Variants in CYP4F2 observed in about 807,000 individuals in gnomAD.
The protein encoded by CYP4F2 is cytochrome P450 4F2.
CYP4F2 carries 58 observed loss-of-function variants against 58.9 expected under a neutral mutation model. The ratio of observed to expected loss-of-function variants is 0.98; its 90% CI spans 0.80 to 1.23. The LOEUF (loss-of-function observed/expected upper bound fraction) is 1.23, where lower values mean the gene tolerates loss of function less well. Ranked by LOEUF, CYP4F2 falls within the 50% of genes most tolerant of loss-of-function variation. CYP4F2 has a pLI of 0.00. For synonymous variants in CYP4F2, 287 were observed against 261.1 expected, an observed-to-expected ratio of 1.10 and a Z score of -0.95; for missense variants, 616 against 685.6, an observed-to-expected ratio of 0.90 and a Z score of 1.13.
intron 3 of CYP4F2, among the ~76,000 whole-genome samples, chr19:15,894,088 T>C (rs553290720): frequency 2.2e-4 from 34 of 152,178 alleles, no homozygotes; most frequent in Non-Finnish European, 2.5e-4. Context: ...TCTTTCCCCA[T>C]GTGGATCCAC....
rs1468324782 is a variant in CYP4F2, at chr19:15,879,405, G to C, written c.1338C>G (p.Asp446Glu). ...DPEVYDPFRFDPENIKERSPL... is the reference protein window; with the variant it reads ...DPEVYDPFRFEPENIKERSPL... ...GTGACCTCTCCTTGATGTTCTCTGG[G>C]TCAAAGCGAAAGGGGTCGTAGACCT... The change falls in exon 12 of 13, where the codon GAC (aspartate) becomes GAG (glutamate). Residue 446 changes from aspartate to glutamate, a missense_variant. Coordinates refer to ENST00000221700, the MANE Select transcript of CYP4F2 (RefSeq NM_001082.5). The C allele has an allele frequency of 1.2e-6, 2 of 1,614,016 alleles. No homozygotes were observed. Among genetic ancestry groups the C allele is most frequent in the Non-Finnish European group, 1.7e-6 (2 of 1,180,036 alleles).
chr19:15,896,969 G>C (rs879432829), intron 2 of CYP4F2, among the ~76,000 whole-genome samples: 5 of 152,204 alleles, frequency 3.3e-5, no homozygotes, highest in Non-Finnish European at 7.3e-5. Flanking sequence ...GGTGCCTTCG[G>C]GTGTAGTGGA....
rs2089459320 is a variant in CYP4F2 at position 15,898,007 on chromosome 19, G to A, written c.-2+19C>T. 2 of 232,252 alleles carry A rather than the reference G, an allele frequency of 8.6e-6. No homozygotes were observed. The highest frequency in any genetic ancestry group is 8.4e-6 in the Non-Finnish European group (1 of 119,256). 14.4% of individuals were successfully genotyped at this position (232,252 alleles called of 1,614,324 possible). On this transcript the variant is annotated intron_variant, in intron 1 of 12. Coordinates refer to ENST00000221700, the MANE Select transcript of CYP4F2 (RefSeq NM_001082.5). The stretch of plus-strand genomic sequence containing the variant: ...CCAGGCCAGGACCCCCCCCAGGCCT[G>A]CCACCCCCAGCCTGGCACCTTCTGT...
intron 7 of CYP4F2, chr19:15,886,630 G>C (rs1169655804): frequency 5.6e-6 from 2 of 355,902 alleles, no homozygotes; most frequent in Admixed American, 4.3e-5. Context: ...ATTTCCCTTG[G>C]AAATTAGAGA....
At chr19:15,896,764 C>A (rs965936058) in intron 2 of CYP4F2, among the ~76,000 whole-genome samples, 1 of 152,202 alleles carries the variant, frequency 6.6e-6, no homozygotes, top group Non-Finnish European at 1.5e-5. Flanking sequence ...ATCCATCAAT[C>A]CTGCCATTTG....
chr19:15,882,258 A>AAAAG (rs1555774187), intron 9 of CYP4F2, among the ~76,000 whole-genome samples: 7 of 151,812 alleles, frequency 4.6e-5, no homozygotes, highest in Non-Finnish European at 1.0e-4. Context: ...AATGAAAAAA[A>AAAAG]AAAGAAAGAA....
intron 7 of CYP4F2, among the ~76,000 whole-genome samples, chr19:15,886,826 T>C (rs770193308): frequency 1.1e-4 from 16 of 152,324 alleles, no homozygotes; most frequent in Non-Finnish European, 1.9e-4. Flanking sequence ...TCTCTCTCTC[T>C]CTCTTTCTCT....
intron 5 of CYP4F2, among the ~76,000 whole-genome samples, chr19:15,890,790 C>T (rs1259600481): frequency 6.6e-6 from 1 of 152,188 alleles, no homozygotes. Context: ...CTCCACCTCG[C>T]CATGCTCACT....
At chr19:15,885,838 CAA>C in intron 9 of CYP4F2, 84 bp downstream of exon 9, 1 of 1,535,354 alleles carries the variant, frequency 6.5e-7, no homozygotes, top group South Asian at 1.2e-5. Flanking sequence ...GCAGAATCAA[CAA>C]AAACAGCTTT....
chr19:15,896,306 C>T (rs1209537486), intron 2 of CYP4F2, among the ~76,000 whole-genome samples: 1 of 152,100 alleles, frequency 6.6e-6, no homozygotes, highest in African/African-American at 2.4e-5. Flanking sequence ...ATCTATCTAT[C>T]CACATTCCTC....
intron 9 of CYP4F2, 92 bp from the exon 10 acceptor site, chr19:15,879,989 C>G: frequency 6.4e-7 from 1 of 1,569,438 alleles, no homozygotes; most frequent in African/African-American, 1.4e-5. Flanking sequence ...CTTTTCTCCC[C>G]GCAATAAAAT....
chr19:15,891,147 G>A (rs1448648538), intron 5 of CYP4F2, among the ~76,000 whole-genome samples: 1 of 152,116 alleles, frequency 6.6e-6, no homozygotes, highest in African/African-American at 2.4e-5. Context: ...TTGTGTTTGC[G>A]AAGAAAAACT....
rs765329980 is a variant in CYP4F2, at chr19:15,879,360, G to A, written c.1383C>T (p.Phe461=). 9.9e-6 allele frequency: 16 copies of A among 1,614,028 alleles called. No homozygotes were observed. Among genetic ancestry groups the A allele is most frequent in the African/African-American group, 5.3e-5 (4 of 74,932 alleles). The part of the protein sequence containing the change: ...KERSPLAFIP[F]SAGPRNCIGQ... ...GCCGCCCTTACCTGGGCCCTGCCGA[G>A]AAGGGAATAAAAGCCAGAGGTGACC... The change falls in exon 12 of 13, where the codon TTC becomes TTT. Residue 461 remains phenylalanine, a synonymous_variant. Transcript: ENST00000221700.
At chr19:15,887,585 CATAGACACAGAT>C (rs1173665582) in intron 7 of CYP4F2, among the ~76,000 whole-genome samples, 2 of 151,484 alleles carry the variant, frequency 1.3e-5, no homozygotes, top group African/African-American at 4.9e-5. Context: ...TAAACCTAGA[CATAGACACAGAT>C]ATAGACACAG....
Position 15,886,283 on chromosome 19 carries a change from T to G in CYP4F2, c.944A>C (p.Asp315Ala). The G allele has an allele frequency of 6.2e-7, 1 of 1,614,024 alleles. No homozygotes were observed. Among genetic ancestry groups the G allele is most frequent in the South Asian group, 1.1e-5 (1 of 91,062 alleles). The change falls in exon 8 of 13, where the codon GAT becomes GCT. Residue 315 changes from aspartate to alanine, a missense_variant. Physicochemically the swap from Asp to Ala is moderately radical, Grantham distance 126. Coordinates refer to ENST00000221700, the MANE Select transcript of CYP4F2 (RefSeq NM_001082.5). ...GTCAGCTTCTGCTCTTATGTCCTCA[T>G]CAGATAACTTCTTCCCGTCTTCATC... ...SKDEDGKKLS[D>A]EDIRAEADTF...
intron 3 of CYP4F2, among the ~76,000 whole-genome samples, chr19:15,895,209 T>C (rs2089440478): frequency 6.6e-6 from 1 of 152,060 alleles, no homozygotes; most frequent in Admixed American, 6.5e-5. Context: ...TCCCATGAAG[T>C]TGGGGATATC....
rs1160682886 is a variant in CYP4F2, at chr19:15,897,415, A to G, written c.197T>C (p.Met66Thr). The stretch of plus-strand genomic sequence containing the variant: ...GACCCATCCTGCTGCCACACTCACC[A>G]TGCCCTGGTGTCCCCAAAACCAGTT... The part of the protein sequence containing the change: ...RRNWFWGHQG[M>T]VNPTEEGMRV... Residue 66 changes from methionine to threonine, a missense_variant and splice_region_variant, in exon 2 of 13, where the codon ATG (methionine) becomes ACG (threonine). Met to Thr is a moderately conservative substitution (Grantham distance 81). Transcript: ENST00000221700. The G allele has an allele frequency of 2.5e-6, 4 of 1,589,286 alleles. No individual in the cohort carries two copies. The highest frequency in any genetic ancestry group is 1.4e-5 in the African/African-American group (1 of 73,240).
At chr19:15,879,927 T>C in intron 9 of CYP4F2, 30 bp from the exon 10 acceptor site, 1 of 1,611,368 alleles carries the variant, frequency 6.2e-7, no homozygotes, top group Non-Finnish European at 8.5e-7. Context: ...CCAATCCTTA[T>C]CAAGGGAGCA....
Position 15,890,320 on chromosome 19 carries a change from A to G in CYP4F2, c.639T>C (p.His213=). 6.2e-7 allele frequency: 1 copy of G among 1,613,994 alleles called. No individual in the cohort carries two copies. The highest frequency in any genetic ancestry group is 8.5e-7 in the Non-Finnish European group (1 of 1,179,940). ...CCTGGGCAAGAACTTACTCCTGACA[A>G]TGGCTGTCAAAGCTGAAGACACATT... is the stretch of plus-strand genomic sequence containing the variant. ...LQKCVFSFDS[H]CQEKPSEYIA... Residue 213 remains histidine, a synonymous_variant, in exon 6 of 13, where the codon CAT becomes CAC. Coordinates refer to ENST00000221700, the MANE Select transcript of CYP4F2 (RefSeq NM_001082.5).
Sources: gnomAD v4.1 joint callset for allele counts (sites outside exome capture counted in the v4.1 genomes callset) on GRCh38, gnomAD v4.1.1 for gene constraint, MANE v1.5 for transcripts, NCBI Gene and HGNC (gene_info 2026-07-23, HGNC 2026-07-21) for gene names.